Variants in CDON observed in about 807,000 individuals in gnomAD.
The protein encoded by CDON is cell adhesion molecule-related/down-regulated by oncogenes.
Under a neutral mutation model 120.9 loss-of-function variants are expected in CDON, and 73 were observed. That is an observed-to-expected ratio of 0.60 (90% confidence interval 0.50 to 0.73). CDON has a LOEUF of 0.73. Among genes scored for constraint, CDON ranks in the 30% least tolerant of loss-of-function variants. The pLI is 0.00. For missense variants in CDON, 1,470 were observed against 1,587.3 expected, an observed-to-expected ratio of 0.93 and a Z score of 1.26; for synonymous variants, 566 against 573.5, an observed-to-expected ratio of 0.99 and a Z score of 0.19.
intron 1 of CDON, among the ~76,000 whole-genome samples, chr11:126,026,391 T>C (rs953611749): frequency 6.6e-5 from 10 of 152,182 alleles, no homozygotes; most frequent in African/African-American, 2.4e-4. Flanking sequence ...TACAACAAAA[T>C]CTAATGACTG....
intron 8 of CDON, 35 bp downstream of exon 8, chr11:126,010,306 T>C (rs1482851132): frequency 7.4e-7 from 1 of 1,349,980 alleles, no homozygotes; most frequent in South Asian, 1.2e-5. Flanking sequence ...AAAAGGAAAT[T>C]ACTCAACTAA....
intron 9 of CDON, among the ~76,000 whole-genome samples, chr11:126,004,641 G>A (rs1003200778): frequency 2.0e-5 from 3 of 152,126 alleles, no homozygotes; most frequent in Admixed American, 6.5e-5. Flanking sequence ...TTGCATGGAG[G>A]TATTAGGGTA....
At chr11:125,993,132 T>C (rs554705253) in intron 14 of CDON, among the ~76,000 whole-genome samples, 3 of 152,326 alleles carry the variant, frequency 2.0e-5, no homozygotes, top group African/African-American at 7.2e-5. Flanking sequence ...AGTCCGTAAA[T>C]ACCTGAAGGT....
intron 16 of CDON, 38 bp from the exon 17 acceptor site, chr11:125,981,367 C>T (rs1263939135): frequency 1.1e-5 from 17 of 1,592,320 alleles, no homozygotes; most frequent in Non-Finnish European, 1.4e-5. Context: ...CACGCACACA[C>T]ACACACGCAC....
chr11:125,960,729 G>C lies in CDON; in HGVS notation c.*213C>G, dbSNP rs1349112972. On this transcript the variant is annotated 3_prime_UTR_variant, in exon 20 of 20. Transcript: ENST00000531738. Reference sequence around the variant, plus strand: ...GCAAAACAAGGTTGTTTCCTACCGAGGGGGAGGAAGGAATGGGGAAGAAAA... The same window carrying C: ...GCAAAACAAGGTTGTTTCCTACCGACGGGGAGGAAGGAATGGGGAAGAAAA... 1 of 580,902 alleles carries C rather than the reference G, an allele frequency of 1.7e-6. No individual in the cohort carries two copies. Among genetic ancestry groups the C allele is most frequent in the Non-Finnish European group, 3.1e-6 (1 of 325,090 alleles). 36.0% of individuals were successfully genotyped at this position (580,902 alleles called of 1,614,324 possible). A position where few individuals can be genotyped will look rare whatever the true frequency, so the allele number is the denominator to read the frequency against.
intron 18 of CDON, among the ~76,000 whole-genome samples, chr11:125,971,119 C>G (rs1254704533): frequency 6.6e-6 from 1 of 152,134 alleles, no homozygotes; most frequent in Admixed American, 6.5e-5. Flanking sequence ...TCCGGTGGCT[C>G]ACGCCTGTAA....
intron 1 of CDON, among the ~76,000 whole-genome samples, chr11:126,060,987 G>C (rs2134981266): frequency 6.6e-6 from 1 of 152,260 alleles, no homozygotes; most frequent in African/African-American, 2.4e-5. Flanking sequence ...AGGCTGATGA[G>C]AACCATGGCA....
In CDON at chr11:125,970,172, G is replaced by GTTT. The variant is rs36021097; in HGVS notation, c.3356+8129_3356+8131dup. On this transcript the variant is annotated intron_variant, in intron 18 of 19. Coordinates refer to ENST00000531738, the MANE Select transcript of CDON (RefSeq NM_001378964.1). ...TAGTTACATCTTGGTGGTAGTTTAT[G>GTTT]TTTTTTTTTTTTTTTTTTTTTGAGA... 1.6e-3 allele frequency among the ~76,000 whole-genome samples: 165 copies of GTTT among 103,116 alleles called. 1 individual carries two copies. Among genetic ancestry groups the GTTT allele is most frequent in the East Asian group, 2.0e-3 (7 of 3,526 alleles). 67.6% of individuals were successfully genotyped at this position (103,116 alleles called of 152,430 possible).
At chr11:126,063,072 G>A (rs1182019027), upstream of CDON, among the ~76,000 whole-genome samples, 1 of 151,990 alleles carries the variant, frequency 6.6e-6, no homozygotes, top group African/African-American at 2.4e-5. Context: ...ATCAGCGGCG[G>A]GGGCACGGGC....
chr11:125,983,129 T>C (rs1946362499), intron 16 of CDON, among the ~76,000 whole-genome samples: 1 of 152,170 alleles, frequency 6.6e-6, no homozygotes, highest in South Asian at 2.1e-4. Flanking sequence ...CATTTCCTTA[T>C]TCTGGAGCCA....
chr11:125,969,745 G>T (rs1012142246), intron 18 of CDON, among the ~76,000 whole-genome samples: 2 of 152,164 alleles, frequency 1.3e-5, no homozygotes, highest in Non-Finnish European at 1.5e-5. Flanking sequence ...ATACCTTTTA[G>T]TAACACAGGA....
At chr11:125,981,437 C>G in intron 16 of CDON, 108 bp from the exon 17 acceptor site, 1 of 1,076,790 alleles carries the variant, frequency 9.3e-7, no homozygotes, top group South Asian at 1.5e-5. Context: ...CACGCACACA[C>G]GCACACAGTA....
At chr11:125,995,555 T>G (rs562390898) in intron 12 of CDON, among the ~76,000 whole-genome samples, 58 of 152,310 alleles carry the variant, frequency 3.8e-4, no homozygotes, top group African/African-American at 1.3e-3. Flanking sequence ...CTGCTAACAG[T>G]GTAAGAGTAA....
At chr11:126,008,238 T>C (rs1279491100) in intron 8 of CDON, among the ~76,000 whole-genome samples, 3 of 152,174 alleles carry the variant, frequency 2.0e-5, no homozygotes, top group Non-Finnish European at 2.9e-5. Flanking sequence ...GTTATCTCTC[T>C]CTCTAACCTA....
At chr11:126,019,572 G>A (rs746465867) in intron 4 of CDON, 47 bp downstream of exon 4, 3 of 1,604,764 alleles carry the variant, frequency 1.9e-6, no homozygotes, top group East Asian at 2.2e-5. Flanking sequence ...CTTATTTAAT[G>A]AGCATTTGTT....
At chr11:126,018,766 C>T (rs1371012082) in intron 4 of CDON, among the ~76,000 whole-genome samples, 9 of 152,250 alleles carry the variant, frequency 5.9e-5, no homozygotes, top group Non-Finnish European at 1.3e-4. Context: ...ATGGGGGTCT[C>T]ACTATATTGC....
At chr11:126,028,577 G>A (rs941565819) in intron 1 of CDON, among the ~76,000 whole-genome samples, 6 of 151,726 alleles carry the variant, frequency 4.0e-5, no homozygotes, top group Non-Finnish European at 8.8e-5. Context: ...TGGCCAGGTT[G>A]GTCTCGAACT....
At position 125,997,392 on chromosome 11, in the gene CDON, C is replaced by T. The variant is rs761883698; in HGVS notation, c.2177G>A (p.Arg726Gln). The T allele has an allele frequency of 1.4e-5, 22 of 1,612,740 alleles. No individual in the cohort carries two copies. Among genetic ancestry groups the T allele is most frequent in the Middle Eastern group, 1.6e-4 (1 of 6,084 alleles). ...CTCTGATGCAGTGGAGATGGTAGGC[C>T]GATCTGGTGCCTCTGGAACTAAACA... ...RHSGVPEAPD[R>Q]PTISTASETS... is the part of the protein sequence containing the mutation. The change falls in exon 12 of 20, where the codon CGG becomes CAG. Residue 726 changes from arginine to glutamine, a missense_variant. By Grantham distance (43) the Arg-to-Gln change is conservative (BLOSUM62 1). Coordinates refer to ENST00000531738, the MANE Select transcript of CDON (RefSeq NM_001378964.1).
Position 125,961,741 on chromosome 11 carries a change from G to T in CDON, c.3614C>A (p.Pro1205Gln), listed in dbSNP as rs775150291. Reference sequence around the variant, plus strand: ...TTCCTGACCTCTGCTGAACTCTGCTGGATCTTCTGAGCCATCAGAGCTGAC... The same window carrying T: ...TTCCTGACCTCTGCTGAACTCTGCTTGATCTTCTGAGCCATCAGAGCTGAC... ...NDVSSDGSED[P>Q]AEFSRGDSCA... is the part of the protein sequence containing the mutation. The change falls in exon 19 of 20, where the codon CCA (proline) becomes CAA (glutamine). Residue 1205 changes from proline (P) to glutamine (Q), a missense_variant. By Grantham distance (76) the Pro-to-Gln change is moderately conservative (BLOSUM62 -1). Transcript: ENST00000531738. 1 of 1,614,140 alleles carries T rather than the reference G, an allele frequency of 6.2e-7. No homozygotes were observed. The highest frequency in any genetic ancestry group is 8.5e-7 in the Non-Finnish European group (1 of 1,180,006).
Sources: allele counts gnomAD v4.1 joint callset (sites outside exome capture counted in the v4.1 genomes callset), GRCh38; gene constraint gnomAD v4.1.1; transcripts MANE v1.5; gene names NCBI Gene and HGNC (gene_info 2026-07-23, HGNC 2026-07-21).